The following SCNN1D variants were observed in gnomAD, a reference collection of about 807,000 sequenced individuals.
SCNN1D encodes epithelial sodium channel subunit delta.
Under a neutral mutation model 87.8 loss-of-function variants are expected in SCNN1D, and 104 were observed. The ratio of observed to expected loss-of-function variants is 1.18; its 90% CI spans 1.01 to 1.39. The LOEUF is 1.39. Among genes scored for constraint, SCNN1D ranks in the 40% most tolerant of loss-of-function variants. The probability of loss-of-function intolerance (pLI) is 0.00; values close to 1 mark genes in which losing one functional copy is unlikely to be tolerated. For missense variants in SCNN1D, 1,324 were observed against 1,093.9 expected (o/e 1.21, Z -2.97); for synonymous variants, 628 against 481.2 (o/e 1.31, Z -3.99).
intron 9 of SCNN1D, 50 bp from the exon 10 acceptor site, chr1:1,287,458 C>T (rs369616106): frequency 5.5e-4 from 819 of 1,495,010 alleles, no homozygotes; most frequent in African/African-American, 1.5e-3. Context: ...GCCAGCGTGA[C>T]GGGCGCGGGC....
At chr1:1,284,767 G>A (rs748608736) in intron 5 of SCNN1D, among the ~76,000 whole-genome samples, 30 of 152,216 alleles carry the variant, frequency 2.0e-4, no homozygotes, top group Non-Finnish European at 3.8e-4. Context: ...CGCAGATCCA[G>A]ACAGGGTGGA....
Position 1,291,496 on chromosome 1 carries a change from C to T in SCNN1D, c.2295C>T (p.Asp765=), listed in dbSNP as rs1640816624. 1.2e-6 allele frequency: 2 copies of T among 1,609,272 alleles called. No homozygotes were observed. Among genetic ancestry groups the T allele is most frequent in the Non-Finnish European group, 8.5e-7 (1 of 1,177,804 alleles). ...MPPPAGGTSD[D]PEPSGPHLPR... ...CGCCTGCAGGCGGCACGTCAGATGACCCGGAGCCCAGCGGGCCTCATCTCC... is the reference window on the plus strand; with the variant it reads ...CGCCTGCAGGCGGCACGTCAGATGATCCGGAGCCCAGCGGGCCTCATCTCC... Residue 765 remains aspartate, a synonymous_variant, in exon 18 of 18, where the codon GAC becomes GAT. Transcript: ENST00000379116.
intron 5 of SCNN1D, 23 bp from the exon 6 acceptor site, chr1:1,285,548 C>A: frequency 1.4e-6 from 2 of 1,476,766 alleles, no homozygotes; most frequent in Non-Finnish European, 9.1e-7. Flanking sequence ...CATGGACACG[C>A]TACCGTACTT....
At chr1:1,281,200 A>G (rs1640462152) in intron 1 of SCNN1D, 26 bp from the exon 2 acceptor site, 1 of 1,533,150 alleles carries the variant, frequency 6.5e-7, no homozygotes, top group African/African-American at 1.4e-5. Flanking sequence ...GGGGTCCCAC[A>G]GATGCCAGGC....
rs1459546387 is a variant in SCNN1D, at chr1:1,290,963, C to G, written c.1976+10C>G. 1.2e-6 allele frequency: 2 copies of G among 1,602,762 alleles called. No individual in the cohort carries two copies. The highest frequency in any genetic ancestry group is 1.7e-6 in the Non-Finnish European group (2 of 1,175,130). On this transcript the variant is annotated intron_variant, in intron 16 of 17. Coordinates refer to ENST00000379116, the MANE Select transcript of SCNN1D (RefSeq NM_001130413.4). Reference sequence around the variant, plus strand: ...AGAGCCACAGACAGAGGTGGGTGCACCCTCCCCCTCCAGAGAGGCATCACA... The same window carrying G: ...AGAGCCACAGACAGAGGTGGGTGCAGCCTCCCCCTCCAGAGAGGCATCACA...
intron 4 of SCNN1D, 56 bp downstream of exon 4, chr1:1,282,371 T>C: frequency 6.5e-7 from 1 of 1,540,076 alleles, no homozygotes; most frequent in Non-Finnish European, 8.8e-7. Context: ...CCTGTGGGGC[T>C]GGGCTCCCCC....
rs752870867 is a variant in SCNN1D at position 1,290,337 on chromosome 1, C to T, written c.1729C>T (p.Pro577Ser). The change falls in exon 13 of 18, where the codon CCT becomes TCT. Residue 577 changes from proline (P) to serine (S), a missense_variant. By Grantham distance (74) the Pro-to-Ser change is moderately conservative. Coordinates refer to ENST00000379116, the MANE Select transcript of SCNN1D (RefSeq NM_001130413.4). ...ETCSCGYYLHPLPAGAEYCSS... is the reference protein window; with the variant it reads ...ETCSCGYYLHSLPAGAEYCSS... ...CTGCTCCTGTGGCTACTACCTCCAC[C>T]CTCTGCCGGCGGGGGCTGAGTACTG... 5.6e-6 allele frequency: 9 copies of T among 1,596,286 alleles called. No individual in the cohort carries two copies. The highest frequency in any genetic ancestry group is 1.3e-5 in the African/African-American group (1 of 74,776).
In SCNN1D at chr1:1,286,705, G is replaced by A. The variant is rs1170955806; in HGVS notation, c.912-63G>A. On this transcript the variant is annotated intron_variant, in intron 7 of 17. Coordinates refer to ENST00000379116, the MANE Select transcript of SCNN1D (RefSeq NM_001130413.4). ...ACTGCTGTCCCGACAGCACACACTG[G>A]GATGCTGGGGCCAGTGTGAGGCCCC... 4.0e-6 allele frequency: 6 copies of A among 1,494,566 alleles called. No homozygotes were observed. The African/African-American group carries it at 5.5e-5, about 14-fold the overall frequency. 92.6% of individuals were successfully genotyped at this position (1,494,566 alleles called of 1,614,324 possible).
intron 12 of SCNN1D, among the ~76,000 whole-genome samples, chr1:1,288,367 CCG>C (rs1640675842): frequency 2.1e-5 from 1 of 47,228 alleles, no homozygotes; most frequent in Non-Finnish European, 3.2e-5. Flanking sequence ...CTGCTCCGTC[CCG>C]TGTCCCTGCT....
rs763862348 is a variant in SCNN1D, at chr1:1,287,473, G to A, written c.1311-35G>A. The A allele has an allele frequency of 1.5e-5, 23 of 1,511,094 alleles. No individual in the cohort carries two copies. In the Admixed American group the frequency reaches 3.5e-4, roughly 23 times the overall value. The allele number at this position is 1,511,094 out of a possible 1,614,324, so 93.6% of individuals were successfully genotyped here. A position where few individuals can be genotyped will look rare whatever the true frequency, so the allele number is the denominator to read the frequency against. On this transcript the variant is annotated intron_variant, in intron 9 of 17. Transcript: ENST00000379116. Reference sequence around the variant, plus strand: ...GCCAGCGTGACGGGCGCGGGCAGCCGACATTCAAGGTCTGAGCTTGGCTTC... The same window carrying A: ...GCCAGCGTGACGGGCGCGGGCAGCCAACATTCAAGGTCTGAGCTTGGCTTC...
chr1:1,281,333 G>A, intron 2 of SCNN1D, 36 bp downstream of exon 2: 4 of 1,535,348 alleles, frequency 2.6e-6, no homozygotes, highest in Non-Finnish European at 2.6e-6. Flanking sequence ...ATGGGGCCTG[G>A]CCGTCTTTCC....
At position 1,287,793 on chromosome 1, in the gene SCNN1D, T is replaced by C. The variant is rs1157143671; in HGVS notation, c.1520T>C (p.Phe507Ser). Residue 507 changes from phenylalanine (F) to serine (S), a missense_variant, in exon 11 of 18, where the codon TTC (phenylalanine) becomes TCC (serine). Coordinates refer to ENST00000379116, the MANE Select transcript of SCNN1D (RefSeq NM_001130413.4). ...NHTPFLGHHS[F>S]SVRPGTEATI... Reference sequence around the variant, plus strand: ...ACGCCCTTCCTGGGGCACCACAGCTTCAGCGTCCGGCCAGGGACGGAGGCC... The same window carrying C: ...ACGCCCTTCCTGGGGCACCACAGCTCCAGCGTCCGGCCAGGGACGGAGGCC... The C allele has an allele frequency of 1.6e-5, 25 of 1,586,888 alleles. No individual in the cohort carries two copies. The highest frequency in any genetic ancestry group is 2.1e-5 in the Non-Finnish European group (24 of 1,167,156).
Position 1,282,267 on chromosome 1 carries a change from CCT to C in SCNN1D, c.307_308del (p.Ser103GlnfsTer169), listed in dbSNP as rs1211314878. On this transcript the variant is annotated frameshift_variant, in exon 4 of 18. Coordinates refer to ENST00000379116, the MANE Select transcript of SCNN1D (RefSeq NM_001130413.4). LOFTEE classifies it high-confidence loss of function. The part of the protein sequence containing the change: ...TGLGDSSMAF[L>X]SRTSPVAAAS... Reference sequence around the variant, plus strand: ...GCCTGGGTGACTCCAGCATGGCTTTCCTCTCCAGGACGTCACCGGTGGCAGCT... The same window carrying C: ...GCCTGGGTGACTCCAGCATGGCTTTCCTCCAGGACGTCACCGGTGGCAGCT... 18 of 1,548,268 alleles carry C rather than the reference CCT, an allele frequency of 1.2e-5. No homozygotes were observed. The highest frequency in any genetic ancestry group is 1.4e-5 in the Non-Finnish European group (16 of 1,145,158).
chr1:1,285,242 G>A (rs1460229301), intron 5 of SCNN1D, among the ~76,000 whole-genome samples: 4 of 152,226 alleles, frequency 2.6e-5, no homozygotes, highest in Non-Finnish European at 5.9e-5. Flanking sequence ...GGACAGCCTC[G>A]CAGACCAGAG....
chr1:1,281,295 G>A lies in SCNN1D; in HGVS notation c.75G>A (p.Arg25=). Reference sequence around the variant, plus strand: ...GGCCCGGCCACCTCAGCGGCCCAAGGAGGTGAGCTCACAGCCATGCTCGGT... The same window carrying A: ...GGCCCGGCCACCTCAGCGGCCCAAGAAGGTGAGCTCACAGCCATGCTCGGT... ...YLWPGHLSGP[R]RLTWSWCSDH... The change falls in exon 2 of 18, where the codon AGG becomes AGA. Residue 25 remains arginine (R), a splice_region_variant and synonymous_variant. Transcript: ENST00000379116. The A allele has an allele frequency of 6.5e-7, 1 of 1,535,794 alleles. No homozygotes were observed. The highest frequency in any genetic ancestry group is 8.7e-7 in the Non-Finnish European group (1 of 1,146,792).
rs776537528 is a variant in SCNN1D at position 1,291,440 on chromosome 1, A to G, written c.2239A>G (p.Ser747Gly). 2 of 1,607,842 alleles carry G rather than the reference A, an allele frequency of 1.2e-6. No individual in the cohort carries two copies. The highest frequency in any genetic ancestry group is 2.2e-5 in the East Asian group (1 of 44,758). The stretch of plus-strand genomic sequence containing the variant: ...AGCCAGCCCTGCCTCAGGGGCGTCC[A>G]GCATCAAGCCAGAGGCCAGTCAGAT... ...PRASPASGAS[S>G]IKPEASQMPP... Residue 747 changes from serine (S) to glycine (G), a missense_variant, in exon 18 of 18, where the codon AGC becomes GGC. By Grantham distance (56) the Ser-to-Gly change is moderately conservative. Coordinates refer to ENST00000379116, the MANE Select transcript of SCNN1D (RefSeq NM_001130413.4).
chr1:1,287,666 C>G lies in SCNN1D; in HGVS notation c.1400-7C>G. ...AGGTGGCCTCACACCAGCCCTTGGCCTCCCAGGAGTCGGCCTGGTCCTCAG... is the reference window on the plus strand; with the variant it reads ...AGGTGGCCTCACACCAGCCCTTGGCGTCCCAGGAGTCGGCCTGGTCCTCAG... On this transcript the variant is annotated splice_polypyrimidine_tract_variant and splice_region_variant and intron_variant, in intron 10 of 17. Transcript: ENST00000379116. 4.3e-6 allele frequency: 7 copies of G among 1,611,876 alleles called. No individual in the cohort carries two copies. The highest frequency in any genetic ancestry group is 5.9e-6 in the Non-Finnish European group (7 of 1,179,536).
At position 1,287,742 on chromosome 1, in the gene SCNN1D, G is replaced by A. The variant is rs140506755; in HGVS notation, c.1469G>A (p.Arg490Lys). 116 of 1,608,192 alleles carry A rather than the reference G, an allele frequency of 7.2e-5. No homozygotes were observed. The African/African-American group carries it at 1.5e-3, about 21-fold the overall frequency. ...LPLLSTLAGI[R>K]VMVHGRNHTP... Reference sequence around the variant, plus strand: ...CTGCTGTCCACGCTGGCCGGCATCAGGGTCATGGTTCACGGCCGTAACCAC... The same window carrying A: ...CTGCTGTCCACGCTGGCCGGCATCAAGGTCATGGTTCACGGCCGTAACCAC... The change falls in exon 11 of 18, where the codon AGG (arginine) becomes AAG (lysine). Residue 490 changes from arginine (R) to lysine (K), a missense_variant. Physicochemically the swap from Arg to Lys is conservative, Grantham distance 26. Transcript: ENST00000379116.
In SCNN1D at chr1:1,288,233, T is replaced by C. The variant is rs866651913; in HGVS notation, c.1662+196T>C. On this transcript the variant is annotated intron_variant, in intron 12 of 17. Transcript: ENST00000379116. ...TCTCTGCTCCGTCCCGTGTCTCTGC[T>C]CCGTCCCGTGTCTCTGCTCCGTCCC... is the stretch of plus-strand genomic sequence containing the variant. Among the ~76,000 whole-genome samples the C allele has an allele frequency of 7.3e-3, 915 of 125,724 alleles. 14 individuals carry two copies. Among genetic ancestry groups the C allele is most frequent in the African/African-American group, 0.023 (715 of 31,346 alleles). 82.5% of individuals were successfully genotyped at this position (125,724 alleles called of 152,430 possible).
Sources: allele counts gnomAD v4.1 joint callset (sites outside exome capture counted in the v4.1 genomes callset), GRCh38; gene constraint gnomAD v4.1.1; transcripts MANE v1.5; gene names NCBI Gene and HGNC (gene_info 2026-07-23, HGNC 2026-07-21).